NSD1: variants seen among roughly 807,000 people sequenced by gnomAD.
NSD1 encodes the protein histone-lysine N-methyltransferase, H3 lysine-36 specific.
In NSD1, 26 loss-of-function variants were observed where a neutral mutation model predicts 242.7. The observed-to-expected ratio is 0.11, with a 90% CI of 0.08 to 0.15. The LOEUF is 0.15. Among genes scored for constraint, NSD1 ranks in the 10% least tolerant of loss-of-function variants. The pLI is 1.00. For missense variants in NSD1, 2,495 were observed against 3,272.8 expected (o/e 0.76, Z 5.80); for synonymous variants, 1,106 against 1,178.1 (o/e 0.94, Z 1.25).
intron 5 of NSD1, among the ~76,000 whole-genome samples, chr5:177,233,734 G>C (rs1765237376): frequency 6.6e-6 from 1 of 151,918 alleles, no homozygotes; most frequent in African/African-American, 2.4e-5. Flanking sequence ...AGTAGTTGGT[G>C]CTTATTTCAG....
chr5:177,134,693 G>GC lies in NSD1; in HGVS notation c.-17-388dup, dbSNP rs1562096823. 2.0e-5 allele frequency among the ~76,000 whole-genome samples: 3 copies of GC among 152,328 alleles called. No homozygotes were observed. Among genetic ancestry groups the GC allele is most frequent in the East Asian group, 1.9e-4 (1 of 5,188 alleles). On this transcript the variant is annotated intron_variant, in intron 1 of 22. Coordinates refer to ENST00000439151, the MANE Select transcript of NSD1 (RefSeq NM_022455.5). This position sits in a 1 kb window ranked among gnomAD's most constrained non-coding sequence, Gnocchi z 4.2. ...GTACCTTTTTGTGCAGGGTCCAGGA[G>GC]CCCCCCTCGGACCCCGCAGCCTTTT...
chr5:177,219,559 AATTTCCACCTATTG>A (rs1232365357), intron 5 of NSD1, among the ~76,000 whole-genome samples: 7 of 152,072 alleles, frequency 4.6e-5, no homozygotes, highest in African/African-American at 7.2e-5. Context: ...TTTGTTGTTT[AATTTCCACCTATTG>A]GTGGATTTTT....
In NSD1 at chr5:177,299,305, G is replaced by C. The variant is rs1760441986; in HGVS notation, c.*3846G>C. 4.3e-6 allele frequency: 1 copy of C among 233,156 alleles called. No homozygotes were observed. The highest frequency in any genetic ancestry group is 2.2e-5 in the African/African-American group (1 of 45,326). The allele number at this position is 233,156 out of a possible 1,614,324, so 14.4% of individuals were successfully genotyped here. A position where few individuals can be genotyped will look rare whatever the true frequency, so the allele number is the denominator to read the frequency against. On this transcript the variant is annotated 3_prime_UTR_variant, in exon 23 of 23. Coordinates refer to ENST00000439151, the MANE Select transcript of NSD1 (RefSeq NM_022455.5). ...GGAGATTTTATGTAGAAAAGTTTGA[G>C]GCTTTGTTAAAAGTGGGGAGAAGGA...
intron 2 of NSD1, among the ~76,000 whole-genome samples, chr5:177,148,060 C>G (rs1026778892): frequency 6.6e-6 from 1 of 151,362 alleles, no homozygotes; most frequent in South Asian, 2.1e-4. Context: ...TAAGTTTTCA[C>G]TTCTCTGGGA....
Position 177,294,384 on chromosome 5 carries a change from C to G in NSD1, c.7016C>G (p.Pro2339Arg). The G allele has an allele frequency of 6.2e-7, 1 of 1,614,200 alleles. No homozygotes were observed. The highest frequency in any genetic ancestry group is 8.5e-7 in the Non-Finnish European group (1 of 1,180,032). ...GACAAACCCTCTCCAGTGACCAGCC[C>G]AAGCTCCTCACCCTCAGTCAGGTCC... is the stretch of plus-strand genomic sequence containing the variant. ...LSDKPSPVTS[P>R]SSSPSVRSQP... Residue 2339 changes from proline to arginine, a missense_variant, in exon 23 of 23, where the codon CCA becomes CGA. Coordinates refer to ENST00000439151, the MANE Select transcript of NSD1 (RefSeq NM_022455.5).
At chr5:177,218,478 G>T (rs901729586) in intron 5 of NSD1, among the ~76,000 whole-genome samples, 1 of 151,088 alleles carries the variant, frequency 6.6e-6, no homozygotes, top group African/African-American at 2.4e-5. Flanking sequence ...CCTTTATTCT[G>T]TTAATGTGCT....
chr5:177,162,084 GA>G (rs1758804072), intron 2 of NSD1, among the ~76,000 whole-genome samples: 2 of 151,984 alleles, frequency 1.3e-5, no homozygotes, highest in African/African-American at 4.8e-5. Context: ...GATCACCTGA[GA>G]TCCAGAGTTC....
chr5:177,262,174 GCTGA>G (rs1407511008), intron 14 of NSD1, among the ~76,000 whole-genome samples: 3 of 152,118 alleles, frequency 2.0e-5, no homozygotes, highest in Non-Finnish European at 4.4e-5. Flanking sequence ...CCTCTGTAGG[GCTGA>G]CTTTTTCTGC....
At chr5:177,249,238 CT>C (rs1755704319) in intron 11 of NSD1, among the ~76,000 whole-genome samples, 1 of 152,092 alleles carries the variant, frequency 6.6e-6, no homozygotes, top group Non-Finnish European at 1.5e-5. Flanking sequence ...CTTCTGGAAG[CT>C]GAGGCAGCAG....
At chr5:177,235,674 T>A in intron 5 of NSD1, 147 bp from the exon 6 acceptor site, 1 of 1,002,264 alleles carries the variant, frequency 1.0e-6, no homozygotes, top group Non-Finnish European at 1.5e-6. Flanking sequence ...CATAAGCCAT[T>A]TTGTGCCTCT....
At chr5:177,150,571 C>T (rs1015999285) in intron 2 of NSD1, among the ~76,000 whole-genome samples, 17 of 146,874 alleles carry the variant, frequency 1.2e-4, no homozygotes, top group Admixed American at 1.1e-3. Context: ...TTCTAAAGTT[C>T]CTTTCACATT....
intron 3 of NSD1, among the ~76,000 whole-genome samples, chr5:177,197,585 G>C (rs1762199097): frequency 6.6e-6 from 1 of 152,236 alleles, no homozygotes; most frequent in Admixed American, 6.5e-5. Flanking sequence ...TGACGCCACT[G>C]CACTCCAGCC....
At chr5:177,186,059 ATATAATATATGTTATATATAATATAT>A (rs1267407092) in intron 2 of NSD1, among the ~76,000 whole-genome samples, 2 of 103,088 alleles carry the variant, frequency 1.9e-5, no homozygotes, top group African/African-American at 1.0e-4. Context: ...ATAATATAAC[ATATAATATATGTTATATATAATATAT>A]TATATATAAC....
rs1354662924 is a variant in NSD1 at position 177,165,561 on chromosome 5, C to A, written c.928-26323C>A. On this transcript the variant is annotated intron_variant, in intron 2 of 22. Transcript: ENST00000439151. ...GGGATATGATTCGCAAATTTTTTTCCCCCATTCTGTTTCTGTAGGCTCTTT... is the reference window on the plus strand; with the variant it reads ...GGGATATGATTCGCAAATTTTTTTCACCCATTCTGTTTCTGTAGGCTCTTT... Among the ~76,000 whole-genome samples the A allele has an allele frequency of 2.0e-5, 3 of 151,764 alleles. No homozygotes were observed. In the East Asian group the frequency reaches 5.8e-4, roughly 29 times the overall value.
chr5:177,158,998 T>TTATATATATATATATATGAATGATA lies in NSD1; in HGVS notation c.927+22985_927+22986insGAATGATATATATATATATATATAT, dbSNP rs1183569859. ...TATACACACATATATATGAATGATT[T>TTATATATATATATATATGAATGATA]TATATATATATATATATATATATAT... is the stretch of plus-strand genomic sequence containing the variant. On this transcript the variant is annotated intron_variant, in intron 2 of 22. Coordinates refer to ENST00000439151, the MANE Select transcript of NSD1 (RefSeq NM_022455.5). Among the ~76,000 whole-genome samples, 559 of 122,568 alleles carry TTATATATATATATATATGAATGATA rather than the reference T, an allele frequency of 4.6e-3. 12 individuals carry two copies. Among genetic ancestry groups the TTATATATATATATATATGAATGATA allele is most frequent in the African/African-American group, 0.02 (527 of 26,288 alleles). The allele number at this position is 122,568 out of a possible 152,430, so 80.4% of individuals were successfully genotyped here.
intron 20 of NSD1, among the ~76,000 whole-genome samples, chr5:177,284,524 G>C (rs1218313995): frequency 6.6e-6 from 1 of 152,164 alleles, no homozygotes. Flanking sequence ...CTGGGCTCAA[G>C]TGATCCTCCT....
intron 2 of NSD1, among the ~76,000 whole-genome samples, chr5:177,185,899 A>G (rs1190624045): frequency 1.2e-5 from 1 of 81,724 alleles, no homozygotes; most frequent in East Asian, 4.0e-4. Context: ...ATATTTATAT[A>G]TTTTATATAA....
At chr5:177,209,454 G>C (rs191688693) in intron 4 of NSD1, among the ~76,000 whole-genome samples, 182 bp from the exon 5 acceptor site, 2,737 of 151,020 alleles carry the variant, frequency 0.018, 33 homozygotes, top group Non-Finnish European at 0.028. Context: ...ACTTGAACCC[G>C]GGAGGCAGAG....
At chr5:177,179,808 G>C (rs1217386505) in intron 2 of NSD1, among the ~76,000 whole-genome samples, 1 of 152,180 alleles carries the variant, frequency 6.6e-6, no homozygotes, top group East Asian at 1.9e-4. Context: ...AAGTTGGTGT[G>C]ATATGTGGGA....
Sources: allele counts gnomAD v4.1 joint callset (sites outside exome capture counted in the v4.1 genomes callset), GRCh38; gene constraint gnomAD v4.1.1; non-coding constraint Gnocchi (gnomAD v3.1); transcripts MANE v1.5; gene names NCBI Gene and HGNC (gene_info 2026-07-23, HGNC 2026-07-21).